Variants in AGO2 observed in about 807,000 individuals in gnomAD.
AGO2 encodes the protein argonaute RISC catalytic component 2, also known as protein argonaute-2.
AGO2 carries 5 observed loss-of-function variants against 102.3 expected under a neutral mutation model. The ratio of observed to expected loss-of-function variants is 0.05; its 90% CI spans 0.03 to 0.10. AGO2 has a LOEUF of 0.10. Ranked by LOEUF, AGO2 falls within the 10% of genes least tolerant of loss-of-function variation. The pLI is 1.00. For synonymous variants in AGO2, 449 were observed against 473.1 expected (o/e 0.95, Z 0.66); for missense variants, 541 against 1,183.7 (o/e 0.46, Z 7.97).
At chr8:140,591,504 C>T (rs944442128) in intron 1 of AGO2, among the ~76,000 whole-genome samples, 1 of 152,214 alleles carries the variant, frequency 6.6e-6, no homozygotes, top group Admixed American at 6.5e-5. Context: ...ATATGTTAAC[C>T]TTATTTTAGT....
At chr8:140,577,691 G>C (rs976683686) in intron 2 of AGO2, among the ~76,000 whole-genome samples, 1 of 152,154 alleles carries the variant, frequency 6.6e-6, no homozygotes, top group Admixed American at 6.5e-5. Flanking sequence ...GCCCAGGGAT[G>C]GGGGTGGCAG....
At chr8:140,563,509 T>C (rs1319611075) in intron 3 of AGO2, among the ~76,000 whole-genome samples, 1 of 152,090 alleles carries the variant, frequency 6.6e-6, no homozygotes, top group Non-Finnish European at 1.5e-5. Context: ...GTGCTAGGAG[T>C]ACAAGCGTGA....
chr8:140,535,379 C>T (rs761174407), intron 17 of AGO2, 89 bp downstream of exon 17: 56 of 1,384,314 alleles, frequency 4.0e-5, no homozygotes, highest in Admixed American at 1.4e-4. Context: ...CCACATCCCA[C>T]GTGCCAGCCA....
chr8:140,534,486 C>T (rs986863502), intron 17 of AGO2, among the ~76,000 whole-genome samples: 20 of 152,360 alleles, frequency 1.3e-4, no homozygotes, highest in Non-Finnish European at 2.5e-4. Flanking sequence ...GCCACAAACC[C>T]TGCACGCACT....
At chr8:140,542,325 C>T (rs1485157466) in intron 14 of AGO2, among the ~76,000 whole-genome samples, 2 of 152,254 alleles carry the variant, frequency 1.3e-5, no homozygotes, top group Admixed American at 6.5e-5. Context: ...TCTTGGCAAT[C>T]TGCCTCCTTC....
At position 140,551,345 on chromosome 8, in the gene AGO2, G is replaced by A. The variant is rs1406736447; in HGVS notation, c.1361C>T (p.Ala454Val). 1.3e-6 allele frequency: 2 copies of A among 1,586,392 alleles called. No homozygotes were observed. The highest frequency in any genetic ancestry group is 1.7e-6 in the Non-Finnish European group (2 of 1,162,598). ...GCACTGGCGCTGGGGGGCGAAGCAC[G>A]CAATGGCCCACACCTTGATCTCGAT... ...TGIEIKVWAI[A>V]CFAPQRQCTE... is the part of the protein sequence containing the mutation. The change falls in exon 11 of 19, where the codon GCG (alanine) becomes GTG (valine). Residue 454 changes from alanine (A) to valine (V), a missense_variant. Physicochemically the swap from Ala to Val is moderately conservative, Grantham distance 64. Around this residue, in one of 6 missense-constraint regions of AGO2, gnomAD observed 309 missense variants for 735.1 expected, o/e 0.42. Coordinates refer to ENST00000220592, the MANE Select transcript of AGO2 (RefSeq NM_012154.5).
chr8:140,558,749 G>A (rs1221704778), intron 6 of AGO2, among the ~76,000 whole-genome samples, 177 bp from the exon 7 acceptor site: 3 of 152,204 alleles, frequency 2.0e-5, no homozygotes, highest in Non-Finnish European at 4.4e-5. Context: ...AGCCGGGTCC[G>A]TCTCACCTAC....
intron 6 of AGO2, 102 bp downstream of exon 6, chr8:140,559,293 C>T: frequency 6.8e-7 from 1 of 1,465,820 alleles, no homozygotes; most frequent in Non-Finnish European, 9.3e-7. Flanking sequence ...CCCCCACCTC[C>T]CCAAATGCGC....
At chr8:140,561,137 C>A (rs970091608) in intron 4 of AGO2, among the ~76,000 whole-genome samples, 1 of 152,256 alleles carries the variant, frequency 6.6e-6, no homozygotes, top group African/African-American at 2.4e-5. Flanking sequence ...TGCGCTGACC[C>A]GGCTGGAGCT....
At chr8:140,612,412 C>A (rs1390428021) in intron 1 of AGO2, among the ~76,000 whole-genome samples, 1 of 152,114 alleles carries the variant, frequency 6.6e-6, no homozygotes, top group African/African-American at 2.4e-5. Flanking sequence ...GAGACAGGAT[C>A]CATTCGGGCT....
chr8:140,541,272 C>G lies in AGO2; in HGVS notation c.1926G>C (p.Leu642=). The G allele has an allele frequency of 6.2e-7, 1 of 1,613,686 alleles. No homozygotes were observed. Among genetic ancestry groups the G allele is most frequent in the Non-Finnish European group, 8.5e-7 (1 of 1,179,918 alleles). The stretch of plus-strand genomic sequence containing the variant: ...TGAGGAGCTCGCGGACCATGGCGGC[C>G]AGGTCTTGTATGATCTCCTGCCGGT... The part of the protein sequence containing the change: ...QQHRQEIIQD[L]AAMVRELLIQ... The change falls in exon 15 of 19, where the codon CTG becomes CTC. Residue 642 remains leucine (L), a synonymous_variant. Coordinates refer to ENST00000220592, the MANE Select transcript of AGO2 (RefSeq NM_012154.5).
At chr8:140,611,127 T>G (rs1011377934) in intron 1 of AGO2, among the ~76,000 whole-genome samples, 2 of 152,154 alleles carry the variant, frequency 1.3e-5, no homozygotes, top group African/African-American at 4.8e-5. Context: ...GTTTTCCCTG[T>G]GCTGACATTT....
chr8:140,620,864 G>GA (rs961748589), intron 1 of AGO2, among the ~76,000 whole-genome samples: 15 of 150,266 alleles, frequency 1.0e-4, no homozygotes, highest in South Asian at 6.3e-4. Flanking sequence ...CCAAGAAAAA[G>GA]AAAAAAAAAA....
intron 1 of AGO2, among the ~76,000 whole-genome samples, chr8:140,629,513 C>G (rs543586426): frequency 5.3e-5 from 8 of 152,184 alleles, no homozygotes; most frequent in African/African-American, 1.9e-4. Flanking sequence ...TGACCAGACT[C>G]CTGTCTGTCC....
rs191912721 is a variant in AGO2, at chr8:140,557,671, G to A, written c.879-435C>T. ...AGGCCGGTTCCGGCCGCACGGTGAC[G>A]GCAGGAGACGCCTGGGTGCAGTATG... On this transcript the variant is annotated intron_variant, in intron 7 of 18. Transcript: ENST00000220592. This position sits in a 1 kb window ranked among gnomAD's most constrained non-coding sequence, Gnocchi z 5.9. Among the ~76,000 whole-genome samples the A allele has an allele frequency of 2.6e-5, 4 of 152,350 alleles. No homozygotes were observed. The highest frequency in any genetic ancestry group is 5.9e-5 in the Non-Finnish European group (4 of 68,028).
Position 140,557,153 on chromosome 8 carries a change from C to T in AGO2, c.962G>A (p.Arg321His). Residue 321 changes from arginine (R) to histidine (H), a missense_variant, in exon 8 of 19, where the codon CGC becomes CAC. Arg to His is a conservative substitution (Grantham distance 29, BLOSUM62 0). Transcript: ENST00000220592. The surrounding 1 kb of genome is among the most constrained non-coding windows in gnomAD (Gnocchi z 5.9). ...YFKDRHKLVL[R>H]YPHLPCLQVG... is the part of the protein sequence containing the mutation. ...TTGTAAACATGGGAGGTGGGGGTAG[C>T]GCAGAACCAACTTGTGCCTGTCCTT... The T allele has an allele frequency of 1.5e-5, 24 of 1,614,088 alleles. No individual in the cohort carries two copies. Among genetic ancestry groups the T allele is most frequent in the Non-Finnish European group, 2.0e-5 (24 of 1,180,000 alleles).
At chr8:140,570,043 G>A (rs1177888414) in intron 3 of AGO2, among the ~76,000 whole-genome samples, 2 of 152,232 alleles carry the variant, frequency 1.3e-5, no homozygotes, top group Non-Finnish European at 2.9e-5. Flanking sequence ...GCGAGAAGAT[G>A]GACATGGGAC....
chr8:140,612,582 G>A (rs2074095466), intron 1 of AGO2, among the ~76,000 whole-genome samples: 1 of 152,012 alleles, frequency 6.6e-6, no homozygotes, highest in Admixed American at 6.6e-5. Flanking sequence ...CCAACATGGT[G>A]AAACCCCATC....
In AGO2 at chr8:140,583,073, G is replaced by GA. The variant is rs1334666555; in HGVS notation, c.215+2045dup. On this transcript the variant is annotated intron_variant, in intron 2 of 18. Transcript: ENST00000220592. ...ATCCAATCAGCTGGGGACACAGACA[G>GA]AAAAAAAGGAGAGAAAGAGTGATTT... is the stretch of plus-strand genomic sequence containing the variant. Among the ~76,000 whole-genome samples the GA allele has an allele frequency of 1.1e-4, 16 of 152,230 alleles. 1 individual carries two copies. The Middle Eastern group carries it at 0.014, about 129-fold the overall frequency.
Sources: allele counts gnomAD v4.1 joint callset (sites outside exome capture counted in the v4.1 genomes callset), GRCh38; gene constraint gnomAD v4.1.1; regional missense constraint gnomAD v4.1.1; non-coding constraint Gnocchi (gnomAD v3.1); transcripts MANE v1.5; gene names NCBI Gene and HGNC (gene_info 2026-07-23, HGNC 2026-07-21).